The following SOX5 variants were observed in gnomAD, a reference collection of about 807,000 sequenced individuals.
SOX5 encodes SRY-box transcription factor 5, also known as transcription factor SOX-5.
Under a neutral mutation model 92.0 loss-of-function variants are expected in SOX5, and 9 were observed. The observed-to-expected ratio is 0.10, with a 90% confidence interval of 0.06 to 0.17. SOX5 has a LOEUF of 0.17. Ranked by LOEUF, SOX5 falls within the 10% of genes least tolerant of loss-of-function variation. The pLI is 1.00. For synonymous variants in SOX5, 344 were observed against 336.3 expected (o/e 1.02, Z -0.25); for missense variants, 642 against 944.5 (o/e 0.68, Z 4.20).
In SOX5 at chr12:23,804,436, A is replaced by T. The variant is rs2095719660; in HGVS notation, c.481+41547T>A. Among the ~76,000 whole-genome samples, 3 of 152,240 alleles carry T rather than the reference A, an allele frequency of 2.0e-5. No homozygotes were observed. In the East Asian group the frequency reaches 5.8e-4, roughly 29 times the overall value. ...CCAGGAAGAATAGGCAATGAGAAAAATGGATTGTGGAACAGAACTCTGATC... is the reference window on the plus strand; with the variant it reads ...CCAGGAAGAATAGGCAATGAGAAAATTGGATTGTGGAACAGAACTCTGATC... On this transcript the variant is annotated intron_variant, in intron 3 of 14. Coordinates refer to ENST00000451604, the MANE Select transcript of SOX5 (RefSeq NM_006940.6).
chr12:24,117,185 T>C (rs1467373362), intron 4 of SOX5, among the ~76,000 whole-genome samples: 1 of 152,078 alleles, frequency 6.6e-6, no homozygotes, highest in Non-Finnish European at 1.5e-5. Flanking sequence ...AGAAGAGATA[T>C]GAATGGCCAA....
intron 4 of SOX5, among the ~76,000 whole-genome samples, chr12:24,056,821 A>C (rs1251018735): frequency 7.0e-6 from 1 of 142,954 alleles, no homozygotes; most frequent in Non-Finnish European, 1.5e-5. Context: ...TAAAAATACA[A>C]AAAATTAGCC....
intron 4 of SOX5, among the ~76,000 whole-genome samples, chr12:23,983,074 C>G (rs1333669223): frequency 6.6e-6 from 1 of 151,026 alleles, no homozygotes; most frequent in Non-Finnish European, 1.5e-5. Flanking sequence ...AGAAAATTCT[C>G]AGGTTTGGTA....
At chr12:24,504,030 A>G (rs1948485975) in intron 1 of SOX5, among the ~76,000 whole-genome samples, 1 of 152,108 alleles carries the variant, frequency 6.6e-6, no homozygotes, top group African/African-American at 2.4e-5. Context: ...CTCTCTTCCA[A>G]TCAAATAAGA....
intron 1 of SOX5, among the ~76,000 whole-genome samples, chr12:23,947,594 G>A (rs549631831): frequency 6.1e-4 from 92 of 151,686 alleles, no homozygotes; most frequent in African/African-American, 2.2e-3. Context: ...ACATTTTTCA[G>A]AATTATTTTA....
intron 8 of SOX5, among the ~76,000 whole-genome samples, chr12:23,632,485 T>C (rs2078673149): frequency 6.6e-6 from 1 of 152,158 alleles, no homozygotes; most frequent in Non-Finnish European, 1.5e-5. Flanking sequence ...TTTTTCTATA[T>C]GGTTATTACT....
At chr12:23,962,348 C>G (rs891631837) in intron 4 of SOX5, among the ~76,000 whole-genome samples, 20 of 152,068 alleles carry the variant, frequency 1.3e-4, no homozygotes, top group African/African-American at 4.8e-4. Context: ...CTATAGCCCT[C>G]CCTCACCCCA....
At position 24,334,913 on chromosome 12, in the gene SOX5, TA is replaced by T. The variant is rs55668750; in HGVS notation, c.-174+33649del. On this transcript the variant is annotated intron_variant, in intron 2 of 4. Coordinates refer to the SOX5 transcript ENST00000446891. ...ATTTACAGTTACAATCCCAATTATG[TA>T]AAAAAAAAAAATAGAGATCTGGATG... Among the ~76,000 whole-genome samples the T allele has an allele frequency of 2.3e-3, 343 of 147,846 alleles. 2 individuals carry two copies. The highest frequency in any genetic ancestry group is 7.3e-3 in the African/African-American group (296 of 40,456).
At chr12:24,348,276 T>C (rs998926446) in intron 2 of SOX5, among the ~76,000 whole-genome samples, 19 of 152,164 alleles carry the variant, frequency 1.2e-4, no homozygotes, top group African/African-American at 4.3e-4. Context: ...CCCAAATTCT[T>C]GTATGTCTAC....
chr12:23,877,562 T>C (rs1250727571), intron 2 of SOX5, among the ~76,000 whole-genome samples: 1 of 152,126 alleles, frequency 6.6e-6, no homozygotes, highest in Admixed American at 6.5e-5. Flanking sequence ...TTCCTGGTAA[T>C]TTATTTAATA....
intron 1 of SOX5, among the ~76,000 whole-genome samples, chr12:23,923,832 T>G (rs1178642564): frequency 6.6e-6 from 1 of 152,146 alleles, no homozygotes; most frequent in East Asian, 1.9e-4. Context: ...TTCAACCCTA[T>G]TCTGGGGTGC....
intron 1 of SOX5, among the ~76,000 whole-genome samples, chr12:24,525,388 T>C (rs1056287725): frequency 1.3e-5 from 2 of 152,060 alleles, no homozygotes; most frequent in Non-Finnish European, 2.9e-5. Context: ...GAATGGGAAG[T>C]GGGAGTTGAT....
intron 1 of SOX5, among the ~76,000 whole-genome samples, chr12:24,513,996 T>G (rs1356351972): frequency 6.6e-6 from 1 of 152,214 alleles, no homozygotes; most frequent in East Asian, 1.9e-4. Flanking sequence ...TGAGAGTTTT[T>G]GAGAGCAGCA....
chr12:23,607,049 C>G (rs1030846620), intron 8 of SOX5, among the ~76,000 whole-genome samples: 2 of 152,094 alleles, frequency 1.3e-5, no homozygotes, highest in African/African-American at 4.8e-5. Flanking sequence ...CTTCTCTCCC[C>G]CAAATTGCCC....
At chr12:24,520,496 T>C in intron 1 of SOX5, among the ~76,000 whole-genome samples, 1 of 131,042 alleles carries the variant, frequency 7.6e-6, no homozygotes, top group Non-Finnish European at 1.8e-5. Context: ...ACATAAAAGA[T>C]AAACAGTAAA....
chr12:24,068,704 G>GTATATATATATATA (rs1164844032), intron 4 of SOX5, among the ~76,000 whole-genome samples: 4 of 74,324 alleles, frequency 5.4e-5, no homozygotes, highest in African/African-American at 2.3e-4. Context: ...GTGTGTGTGT[G>GTATATATATATATA]TATATATATA....
At chr12:24,005,236 T>C (rs1036116175) in intron 4 of SOX5, among the ~76,000 whole-genome samples, 1 of 151,826 alleles carries the variant, frequency 6.6e-6, no homozygotes, top group African/African-American at 2.4e-5. Flanking sequence ...AATTCTGAAG[T>C]ACGTAAATGA....
At chr12:24,115,005 T>C (rs1593291096) in intron 4 of SOX5, among the ~76,000 whole-genome samples, 1 of 152,156 alleles carries the variant, frequency 6.6e-6, no homozygotes, top group African/African-American at 2.4e-5. Context: ...AAATTGAAAA[T>C]AGATGTGATA....
chr12:24,397,493 CAT>C (rs1303820739), intron 1 of SOX5, among the ~76,000 whole-genome samples: 1 of 152,120 alleles, frequency 6.6e-6, no homozygotes, highest in African/African-American at 2.4e-5. Flanking sequence ...CAACTCCTAA[CAT>C]AATAATAAGT....
Sources: gnomAD v4.1 joint callset for allele counts (sites outside exome capture counted in the v4.1 genomes callset) on GRCh38, gnomAD v4.1.1 for gene constraint, MANE v1.5 for transcripts, NCBI Gene and HGNC (gene_info 2026-07-23, HGNC 2026-07-21) for gene names.